PDLIM5: variants seen among roughly 807,000 people sequenced by gnomAD.
PDLIM5 encodes the protein PDZ and LIM domain protein 5.
A neutral mutation model predicts 64.2 loss-of-function variants in PDLIM5; 34 were observed. The observed-to-expected ratio is 0.53, with a 90% confidence interval of 0.40 to 0.71. The LOEUF (loss-of-function observed/expected upper bound fraction) is 0.71. PDLIM5 is among the 30% of genes least tolerant of loss of function. The probability of loss-of-function intolerance (pLI) is 0.00; values close to 1 mark genes in which losing one functional copy is unlikely to be tolerated. For missense variants in PDLIM5, 683 were observed against 733.6 expected, an observed-to-expected ratio of 0.93 and a Z score of 0.80; for synonymous variants, 253 against 269.1, an observed-to-expected ratio of 0.94 and a Z score of 0.59.
intron 3 of PDLIM5, among the ~76,000 whole-genome samples, chr4:94,532,561 G>A (rs935640310): frequency 6.6e-6 from 1 of 152,146 alleles, no homozygotes; most frequent in African/African-American, 2.4e-5. Flanking sequence ...CGCCTGGGTC[G>A]TGACTGCCCT....
intron 10 of PDLIM5, chr4:94,657,048 A>T (rs945848503): frequency 6.5e-6 from 1 of 154,244 alleles, no homozygotes. Context: ...ACTTTTGCAG[A>T]TAATACCATA....
At chr4:94,644,752 AG>A (rs1427350246) in intron 9 of PDLIM5, among the ~76,000 whole-genome samples, 1 of 152,128 alleles carries the variant, frequency 6.6e-6, no homozygotes, top group South Asian at 2.1e-4. Flanking sequence ...CATGTTAACC[AG>A]GATGGTCTTG....
chr4:94,531,837 A>G (rs956203104), intron 3 of PDLIM5, among the ~76,000 whole-genome samples: 4 of 151,954 alleles, frequency 2.6e-5, no homozygotes, highest in African/African-American at 9.7e-5. Context: ...AGTACTTTTC[A>G]TTTTTTACTC....
intron 7 of PDLIM5, among the ~76,000 whole-genome samples, chr4:94,596,367 T>G (rs1737068643): frequency 6.6e-6 from 1 of 152,186 alleles, no homozygotes; most frequent in Admixed American, 6.5e-5. Context: ...GGCAGAATTT[T>G]GTCAGACCGG....
chr4:94,597,706 C>T (rs1010291792), intron 7 of PDLIM5, among the ~76,000 whole-genome samples: 1 of 151,780 alleles, frequency 6.6e-6, no homozygotes. Context: ...GTACTATCTG[C>T]GTTTGTTTCA....
At chr4:94,468,177 G>A (rs1345219576) in intron 2 of PDLIM5, among the ~76,000 whole-genome samples, 1 of 151,636 alleles carries the variant, frequency 6.6e-6, no homozygotes, top group African/African-American at 2.4e-5. Flanking sequence ...TTTTTGGGAT[G>A]GGGTCTTGCT....
At position 94,460,620 on chromosome 4, in the gene PDLIM5, CAAAAAAAAAAAA is replaced by C. The variant is rs990979500; in HGVS notation, c.96+5237_96+5248del. 3.1e-4 allele frequency among the ~76,000 whole-genome samples: 27 copies of C among 87,812 alleles called. 2 individuals carry two copies. The highest frequency in any genetic ancestry group is 7.4e-3 in the Middle Eastern group (1 of 136). The allele number at this position is 87,812 out of a possible 152,430, so 57.6% of individuals were successfully genotyped here. A position where few individuals can be genotyped will look rare whatever the true frequency, so the allele number is the denominator to read the frequency against. On this transcript the variant is annotated intron_variant, in intron 2 of 12. Coordinates refer to ENST00000317968, the MANE Select transcript of PDLIM5 (RefSeq NM_006457.5). ...TGTGCCACAGAACCAGACCCTGTCT[CAAAAAAAAAAAA>C]GAAAAAAAAAAAGGTAAGAATAGCA...
intron 7 of PDLIM5, among the ~76,000 whole-genome samples, chr4:94,595,245 G>A (rs1736978892): frequency 6.6e-6 from 1 of 152,182 alleles, no homozygotes; most frequent in African/African-American, 2.4e-5. Flanking sequence ...GGGACACAGA[G>A]CCAAACCATA....
At chr4:94,515,276 G>C (rs1281767487) in intron 2 of PDLIM5, among the ~76,000 whole-genome samples, 1 of 152,116 alleles carries the variant, frequency 6.6e-6, no homozygotes, top group Non-Finnish European at 1.5e-5. Flanking sequence ...TAGAATTGAA[G>C]GTAATGCCTT....
chr4:94,485,803 T>C (rs1232693157), intron 2 of PDLIM5, among the ~76,000 whole-genome samples: 2 of 149,726 alleles, frequency 1.3e-5, no homozygotes, highest in African/African-American at 4.9e-5. Context: ...CGAGCCAATA[T>C]TGCGCCACTG....
At chr4:94,507,781 ACTTTG>A (rs1373846074) in intron 2 of PDLIM5, among the ~76,000 whole-genome samples, 5 of 152,202 alleles carry the variant, frequency 3.3e-5, no homozygotes, top group Non-Finnish European at 7.4e-5. Flanking sequence ...CTGGGCTGTT[ACTTTG>A]AAGGGCAGAG....
chr4:94,574,642 A>G (rs975951299), intron 4 of PDLIM5, among the ~76,000 whole-genome samples: 2 of 152,304 alleles, frequency 1.3e-5, no homozygotes, highest in African/African-American at 4.8e-5. Context: ...CTTGATCTGA[A>G]GTCTAACGCT....
intron 2 of PDLIM5, among the ~76,000 whole-genome samples, chr4:94,485,014 A>C (rs77795616): frequency 0.023 from 3,468 of 152,084 alleles, 135 homozygotes; most frequent in African/African-American, 0.08. Context: ...TACATAAAAG[A>C]GAGTGTAGGT....
chr4:94,518,844 C>T (rs1169996660), intron 2 of PDLIM5, among the ~76,000 whole-genome samples: 1 of 152,116 alleles, frequency 6.6e-6, no homozygotes, highest in Admixed American at 6.6e-5. Flanking sequence ...TCTTGGTTCC[C>T]TCCTCTGCCT....
chr4:94,647,371 C>T (rs770539022), intron 9 of PDLIM5, among the ~76,000 whole-genome samples: 5 of 151,134 alleles, frequency 3.3e-5, no homozygotes, highest in Admixed American at 6.7e-5. Flanking sequence ...CAGATAAAAT[C>T]GATGTTAAGA....
intron 8 of PDLIM5, among the ~76,000 whole-genome samples, chr4:94,621,867 T>C (rs1423061098): frequency 2.6e-5 from 4 of 152,322 alleles, no homozygotes; most frequent in African/African-American, 9.6e-5. Flanking sequence ...TAAAACATTA[T>C]ACATTATATA....
intron 3 of PDLIM5, 42 bp from the exon 4 acceptor site, chr4:94,573,309 A>C: frequency 1.3e-6 from 2 of 1,543,204 alleles, no homozygotes; most frequent in South Asian, 1.1e-5. Flanking sequence ...GTTTATAAAA[A>C]TTCATTATTT....
intron 2 of PDLIM5, among the ~76,000 whole-genome samples, chr4:94,482,094 C>T (rs1476582249): frequency 1.3e-5 from 2 of 151,272 alleles, no homozygotes; most frequent in East Asian, 3.9e-4. Context: ...GTGAAGTAGC[C>T]ACTTCACAGA....
intron 2 of PDLIM5, among the ~76,000 whole-genome samples, chr4:94,481,888 T>C (rs558782168): frequency 1.6e-4 from 25 of 152,268 alleles, no homozygotes; most frequent in Middle Eastern, 6.8e-3. Context: ...GGATTACAGG[T>C]GTGAGCCACC....
Sources: allele counts gnomAD v4.1 joint callset (sites outside exome capture counted in the v4.1 genomes callset), GRCh38; gene constraint gnomAD v4.1.1; transcripts MANE v1.5; gene names NCBI Gene and HGNC (gene_info 2026-07-23, HGNC 2026-07-21).